Variants in NR3C1 observed in about 807,000 individuals in gnomAD.
NR3C1 encodes nuclear receptor subfamily 3 group C member 1.
A neutral mutation model predicts 74.0 loss-of-function variants in NR3C1; 14 were observed. That is an observed-to-expected ratio of 0.19 (90% confidence interval 0.12 to 0.30). The LOEUF (loss-of-function observed/expected upper bound fraction) is 0.30. Among genes scored for constraint, NR3C1 ranks in the 10% least tolerant of loss-of-function variants. NR3C1 has a pLI of 1.00. For synonymous variants in NR3C1, 308 were observed against 332.5 expected (o/e 0.93, Z 0.80); for missense variants, 695 against 909.8 (o/e 0.76, Z 3.04).
intron 2 of NR3C1, among the ~76,000 whole-genome samples, chr5:143,374,926 A>G (rs1259056023): frequency 6.6e-6 from 1 of 152,156 alleles, no homozygotes; most frequent in African/African-American, 2.4e-5. Context: ...TAGAGACTCC[A>G]TCTTATAACT....
At chr5:143,385,442 T>A (rs182493751) in intron 2 of NR3C1, among the ~76,000 whole-genome samples, 55 of 152,368 alleles carry the variant, frequency 3.6e-4, no homozygotes, top group Non-Finnish European at 7.3e-4. Context: ...ACTTTTATGC[T>A]CTGCTTCTCT....
intron 2 of NR3C1, among the ~76,000 whole-genome samples, chr5:143,381,566 A>C (rs1351099776): frequency 6.6e-6 from 1 of 152,188 alleles, no homozygotes; most frequent in Admixed American, 6.5e-5. Flanking sequence ...ATAATAACCC[A>C]AACAACATAG....
At chr5:143,308,070 C>G (rs1820036310) in intron 4 of NR3C1, among the ~76,000 whole-genome samples, 2 of 152,176 alleles carry the variant, frequency 1.3e-5, no homozygotes, top group African/African-American at 4.8e-5. Context: ...GGGAATTAGA[C>G]TCTTCATAGT....
rs1816882081 is a variant in NR3C1, at chr5:143,295,111, A to T, written c.2023+349T>A. ...ATTAGGAAACTAAAATTTTTAACCA[A>T]ATAACAGTGTAGTGGACAAAATCAC... On this transcript the variant is annotated intron_variant, in intron 7 of 8. Coordinates refer to ENST00000394464, the MANE Select transcript of NR3C1 (RefSeq NM_000176.3). 3.0e-6 allele frequency: 3 copies of T among 985,368 alleles called. No homozygotes were observed. The South Asian group carries it at 1.4e-4, about 46-fold the overall frequency. 61.0% of individuals were successfully genotyped at this position (985,368 alleles called of 1,614,324 possible).
chr5:143,405,220 A>AG (rs963932574), upstream of NR3C1: 34 of 985,446 alleles, frequency 3.5e-5, no homozygotes, highest in Admixed American at 6.1e-5. Flanking sequence ...GGGTTTGGGG[A>AG]GGTAACTTTT....
chr5:143,296,393 T>C (rs1817203300), intron 6 of NR3C1, among the ~76,000 whole-genome samples: 1 of 152,138 alleles, frequency 6.6e-6, no homozygotes, highest in African/African-American at 2.4e-5. Context: ...AAATTAGACA[T>C]GACTTATATG....
At chr5:143,348,554 G>T (rs1482173319) in intron 2 of NR3C1, among the ~76,000 whole-genome samples, 1 of 152,182 alleles carries the variant, frequency 6.6e-6, no homozygotes, top group Non-Finnish European at 1.5e-5. Context: ...GTAAACAAGT[G>T]TCCTTTTCAT....
rs1371067204 is a variant in NR3C1 at position 143,399,679 on chromosome 5, T to C, written c.1161A>G (p.Thr387=). 1.9e-6 allele frequency: 3 copies of C among 1,613,822 alleles called. No individual in the cohort carries two copies. Among genetic ancestry groups the C allele is most frequent in the East Asian group, 2.2e-5 (1 of 44,902 alleles). The change falls in exon 2 of 9, where the codon ACA becomes ACG. Residue 387 remains threonine, a synonymous_variant. Coordinates refer to ENST00000394464, the MANE Select transcript of NR3C1 (RefSeq NM_000176.3). The part of the protein sequence containing the change: ...SLGTLNFPGR[T]VFSNGYSSPS... ...ACCTTGAATAGCCATTAGAAAAAAC[T>C]GTTCGACCAGGGAAGTTCAGAGTCC...
At chr5:143,391,437 A>C (rs1025115621) in intron 2 of NR3C1, among the ~76,000 whole-genome samples, 3 of 152,208 alleles carry the variant, frequency 2.0e-5, no homozygotes, top group Non-Finnish European at 4.4e-5. Context: ...TAAATGTAAA[A>C]AAATTTTAAA....
At chr5:143,339,174 T>C (rs1190648272) in intron 2 of NR3C1, among the ~76,000 whole-genome samples, 1 of 152,166 alleles carries the variant, frequency 6.6e-6, no homozygotes, top group African/African-American at 2.4e-5. Context: ...CCTATCTCTG[T>C]TGTTAAGCAA....
At chr5:143,326,897 T>C (rs1045412014) in intron 2 of NR3C1, among the ~76,000 whole-genome samples, 1 of 152,246 alleles carries the variant, frequency 6.6e-6, no homozygotes, top group Non-Finnish European at 1.5e-5. Context: ...ACATGTCATC[T>C]GATGTGAGCA....
chr5:143,342,369 G>A (rs1402316630), intron 2 of NR3C1, among the ~76,000 whole-genome samples: 1 of 152,164 alleles, frequency 6.6e-6, no homozygotes, highest in African/African-American at 2.4e-5. Flanking sequence ...AGGAAACTGA[G>A]GCTTAGAAGG....
intron 2 of NR3C1, chr5:143,333,214 A>G: frequency 6.6e-7 from 1 of 1,513,588 alleles, no homozygotes; most frequent in Non-Finnish European, 9.0e-7. Context: ...GAACGCATCA[A>G]TCAGCTCATC....
intron 7 of NR3C1, chr5:143,294,855 T>C (rs1490760806): frequency 6.9e-6 from 6 of 863,384 alleles, no homozygotes; most frequent in Non-Finnish European, 8.3e-6. Context: ...TTCCATCATC[T>C]GGATGTATCA....
Position 143,279,473 on chromosome 5 carries a change from T to C in NR3C1, c.*2416A>G, listed in dbSNP as rs1022074810. Reference sequence around the variant, plus strand: ...TTTTGAAACTTAACACTGTCATTGATAAGAATATTCAAGCAGTTTTCTTAG... The same window carrying C: ...TTTTGAAACTTAACACTGTCATTGACAAGAATATTCAAGCAGTTTTCTTAG... On this transcript the variant is annotated 3_prime_UTR_variant, in exon 9 of 9. Transcript: ENST00000394464. The C allele has an allele frequency of 4.5e-5, 65 of 1,452,448 alleles. No homozygotes were observed. Among genetic ancestry groups the C allele is most frequent in the African/African-American group, 5.9e-5 (4 of 67,622 alleles). The allele number at this position is 1,452,448 out of a possible 1,614,324, so 90.0% of individuals were successfully genotyped here.
Position 143,425,384 on chromosome 5 carries a change from C to CT in NR3C1, c.-14+9147dup, listed in dbSNP as rs200702149. ...TTCATCACAATGAAAAACTATTCTG[C>CT]TTCAAAAGACGTTGTGAAGAAAATA... On this transcript the variant is annotated intron_variant, in intron 1 of 8. Coordinates refer to the NR3C1 transcript ENST00000343796. Among the ~76,000 whole-genome samples, 272 of 152,158 alleles carry CT rather than the reference C, an allele frequency of 1.8e-3. 2 individuals carry two copies. Among genetic ancestry groups the CT allele is most frequent in the African/African-American group, 6.2e-3 (258 of 41,518 alleles).
chr5:143,428,411 T>C (rs1751645085), intron 1 of NR3C1, among the ~76,000 whole-genome samples: 2 of 152,206 alleles, frequency 1.3e-5, no homozygotes. Flanking sequence ...TCTAAAACCC[T>C]TCAAAGGCTT....
chr5:143,313,820 C>A (rs1318653912), intron 3 of NR3C1, among the ~76,000 whole-genome samples, 182 bp downstream of exon 3: 1 of 152,140 alleles, frequency 6.6e-6, no homozygotes. Context: ...TATTCTAGAT[C>A]TTTTTGTATT....
chr5:143,402,645 GCCGGC>G, intron 1 of NR3C1: 1 of 985,530 alleles, frequency 1.0e-6, no homozygotes, highest in Non-Finnish European at 1.2e-6. Context: ...AACAGATAAC[GCCGGC>G]CCCGGCCGCA....
Sources: gnomAD v4.1 joint callset for allele counts (sites outside exome capture counted in the v4.1 genomes callset) on GRCh38, gnomAD v4.1.1 for gene constraint, MANE v1.5 for transcripts, NCBI Gene and HGNC (gene_info 2026-07-23, HGNC 2026-07-21) for gene names.